SVIL: variants seen among roughly 807,000 people sequenced by gnomAD.
SVIL encodes the protein supervillin.
In SVIL, 101 loss-of-function variants were observed where a neutral mutation model predicts 240.4. The observed-to-expected ratio is 0.42, with a 90% CI of 0.36 to 0.50. SVIL has a LOEUF of 0.50. SVIL is among the 20% of genes least tolerant of loss of function. The probability of loss-of-function intolerance (pLI) is 0.01; values close to 1 mark genes in which losing one functional copy is unlikely to be tolerated. For missense variants in SVIL, 2,512 were observed against 2,818.7 expected (o/e 0.89, Z 2.46); for synonymous variants, 999 against 1,100.0 (o/e 0.91, Z 1.82).
At chr10:29,463,688 C>T in intron 34 of SVIL, 53 bp from the exon 35 acceptor site, 1 of 1,589,736 alleles carries the variant, frequency 6.3e-7, no homozygotes, top group South Asian at 1.1e-5. Flanking sequence ...ACGGACACTT[C>T]TAGCTCACTC....
At chr10:29,526,375 A>G (rs61846567) in intron 13 of SVIL, among the ~76,000 whole-genome samples, 22,757 of 134,506 alleles carry the variant, frequency 0.17, 2,579 homozygotes, top group African/African-American at 0.35. Flanking sequence ...CACGATCTTG[A>G]CTCACTGCAA....
chr10:29,614,587 C>T (rs945518911), intron 1 of SVIL, among the ~76,000 whole-genome samples: 8 of 152,160 alleles, frequency 5.3e-5, no homozygotes, highest in Admixed American at 2.0e-4. Context: ...CACATGTTCT[C>T]ACTCCAAAGT....
intron 1 of SVIL, among the ~76,000 whole-genome samples, chr10:29,700,675 G>A (rs1204683518): frequency 1.3e-5 from 2 of 151,854 alleles, no homozygotes; most frequent in Non-Finnish European, 1.5e-5. Flanking sequence ...TTTCACCACT[G>A]TGTTAGCCAG....
In SVIL at chr10:29,462,278, A is replaced by C; in HGVS notation, c.6401T>G (p.Met2134Arg). Residue 2134 changes from methionine to arginine, a missense_variant and splice_region_variant, in exon 36 of 38, where the codon ATG (methionine) becomes AGG (arginine). Around this residue, in one of 3 missense-constraint regions of SVIL, gnomAD observed 797 missense variants for 925.3 expected, o/e 0.86. Transcript: ENST00000355867. ...HREDIAEITEMDTEVSNQITL... is the reference protein window; with the variant it reads ...HREDIAEITERDTEVSNQITL... ...CATAGGGCAGGAAAGCGTGCTCACC[A>C]TCTCTGTGATCTCAGCGATGTCCTC... The C allele has an allele frequency of 6.2e-7, 1 of 1,614,066 alleles. No homozygotes were observed. Among genetic ancestry groups the C allele is most frequent in the Non-Finnish European group, 8.5e-7 (1 of 1,179,994 alleles).
At chr10:29,656,043 G>A (rs1338978758) in intron 3 of SVIL, among the ~76,000 whole-genome samples, 1 of 150,110 alleles carries the variant, frequency 6.7e-6, no homozygotes, top group African/African-American at 2.5e-5. Flanking sequence ...GCTAATTTTT[G>A]TATTTTTAGT....
At chr10:29,722,006 G>A (rs1015457963) in intron 1 of SVIL, among the ~76,000 whole-genome samples, 1 of 152,112 alleles carries the variant, frequency 6.6e-6, no homozygotes, top group Non-Finnish European at 1.5e-5. Flanking sequence ...GGGAGGCCGA[G>A]GCAGGCGGAT....
chr10:29,542,759 T>C (rs924330572), intron 6 of SVIL, among the ~76,000 whole-genome samples: 2 of 152,236 alleles, frequency 1.3e-5, no homozygotes, highest in African/African-American at 4.8e-5. Flanking sequence ...GCAGGTCTTA[T>C]TCATTTTTTC....
intron 1 of SVIL, among the ~76,000 whole-genome samples, chr10:29,618,656 A>G (rs1957514985): frequency 6.6e-6 from 1 of 152,152 alleles, no homozygotes; most frequent in Non-Finnish European, 1.5e-5. Flanking sequence ...TTCAGAGGCA[A>G]TAGGCTCTGC....
At chr10:29,642,664 A>G (rs995132466) in intron 3 of SVIL, among the ~76,000 whole-genome samples, 2 of 152,222 alleles carry the variant, frequency 1.3e-5, no homozygotes, top group East Asian at 3.9e-4. Flanking sequence ...ATATCAAAAT[A>G]GTCTGCAGTT....
chr10:29,733,614 T>C (rs1964742539), intron 1 of SVIL, among the ~76,000 whole-genome samples: 1 of 152,212 alleles, frequency 6.6e-6, no homozygotes, highest in Non-Finnish European at 1.5e-5. Flanking sequence ...CTTTGATTTA[T>C]GTTTTAAGAG....
At position 29,472,257 on chromosome 10, in the gene SVIL, A is replaced by G. The variant is rs193297390; in HGVS notation, c.5530-1014T>C. 7.2e-5 allele frequency among the ~76,000 whole-genome samples: 11 copies of G among 152,372 alleles called. No individual in the cohort carries two copies. The East Asian group carries it at 2.1e-3, about 29-fold the overall frequency. On this transcript the variant is annotated intron_variant, in intron 30 of 37. Transcript: ENST00000355867. ...AGCATATTCATTCATGGCCTTTACA[A>G]AAAAATAAAGGGGTAGTTGAAATGG...
At chr10:29,507,081 T>C (rs954087729) in intron 17 of SVIL, among the ~76,000 whole-genome samples, 20 of 152,168 alleles carry the variant, frequency 1.3e-4, no homozygotes, top group South Asian at 4.2e-4. Context: ...GAGGCTACAG[T>C]GAGGATGGAG....
chr10:29,543,614 T>G (rs776712413), intron 6 of SVIL, among the ~76,000 whole-genome samples: 1 of 152,128 alleles, frequency 6.6e-6, no homozygotes, highest in Non-Finnish European at 1.5e-5. Context: ...CGGGTACACG[T>G]GCTCTCTTGC....
chr10:29,480,077 T>C (rs1231361609), intron 29 of SVIL, among the ~76,000 whole-genome samples: 3 of 152,184 alleles, frequency 2.0e-5, no homozygotes, highest in South Asian at 4.1e-4. Context: ...ACAGCCTCTT[T>C]CACTTTTCAA....
chr10:29,528,987 C>G (rs1951138883), intron 12 of SVIL, among the ~76,000 whole-genome samples: 1 of 151,580 alleles, frequency 6.6e-6, no homozygotes, highest in Non-Finnish European at 1.5e-5. Context: ...ACCAGCCTGG[C>G]CAACATGGTG....
chr10:29,730,474 C>T (rs767694650), intron 1 of SVIL, among the ~76,000 whole-genome samples: 1 of 152,190 alleles, frequency 6.6e-6, no homozygotes, highest in Non-Finnish European at 1.5e-5. Context: ...TTCCTCATCT[C>T]CAAGATGGAA....
At position 29,473,691 on chromosome 10, in the gene SVIL, C is replaced by CA. The variant is rs145082259; in HGVS notation, c.5529+146dup. The CA allele has an allele frequency of 3.0e-3, 3,085 of 1,025,670 alleles. 76 individuals carry two copies. The African/African-American group carries it at 0.044, about 15-fold the overall frequency. 63.5% of individuals were successfully genotyped at this position (1,025,670 alleles called of 1,614,324 possible). On this transcript the variant is annotated intron_variant, in intron 30 of 37. Coordinates refer to ENST00000355867, the MANE Select transcript of SVIL (RefSeq NM_021738.3). ...AATGGGAGGCACAGCCTGAGACCTG[C>CA]AGAAGCCAGACCAGGACTGAAGTGC...
upstream of SVIL, among the ~76,000 whole-genome samples, chr10:29,635,698 A>G (rs1958285310): frequency 6.6e-6 from 1 of 152,236 alleles, no homozygotes; most frequent in African/African-American, 2.4e-5. Flanking sequence ...TGACATGTTG[A>G]ATACACTCAA....
At chr10:29,584,621 G>A (rs1337998325) in intron 1 of SVIL, among the ~76,000 whole-genome samples, 5 of 152,196 alleles carry the variant, frequency 3.3e-5, no homozygotes, top group South Asian at 2.1e-4. Flanking sequence ...ACAGAACCCC[G>A]TGCCTCGTTC....
Sources: gnomAD v4.1 joint callset for allele counts (sites outside exome capture counted in the v4.1 genomes callset) on GRCh38, gnomAD v4.1.1 for gene constraint, gnomAD v4.1.1 regional missense constraint, MANE v1.5 for transcripts, NCBI Gene and HGNC (gene_info 2026-07-23, HGNC 2026-07-21) for gene names.